The following TBCE variants were observed in gnomAD, a reference collection of about 807,000 sequenced individuals.
TBCE encodes the protein tubulin folding cofactor E.
TBCE carries 53 observed loss-of-function variants against 77.0 expected under a neutral mutation model. That is an observed-to-expected ratio of 0.69 (90% confidence interval 0.55 to 0.87). The LOEUF (loss-of-function observed/expected upper bound fraction) is 0.87. Ranked by LOEUF, TBCE falls within the 40% of genes least tolerant of loss-of-function variation. The probability of loss-of-function intolerance (pLI) is 0.00; values close to 1 mark genes in which losing one functional copy is unlikely to be tolerated. For synonymous variants in TBCE, 235 were observed against 241.3 expected (o/e 0.97, Z 0.24); for missense variants, 624 against 622.4 (o/e 1.00, Z -0.03).
At chr1:235,410,661 A>G (rs1679734366) in intron 3 of TBCE, among the ~76,000 whole-genome samples, 1 of 152,180 alleles carries the variant, frequency 6.6e-6, no homozygotes, top group Non-Finnish European at 1.5e-5. Flanking sequence ...CCCAGCTCCT[A>G]TTCAAGATGG....
In TBCE at chr1:235,452,333, T is replaced by C. The variant is rs1317502843; in HGVS notation, c.*3571T>C. The C allele has an allele frequency of 6.6e-6, 1 of 152,206 alleles. No individual in the cohort carries two copies. Among genetic ancestry groups the C allele is most frequent in the Non-Finnish European group, 1.5e-5 (1 of 68,042 alleles). The allele number at this position is 152,206 out of a possible 1,614,324, so 9.4% of individuals were successfully genotyped here. A position where few individuals can be genotyped will look rare whatever the true frequency, so the allele number is the denominator to read the frequency against. ...TCAAATCTATGGAAACTGAGTTTTTTTGTAGGCAGGGGAACGTTGATTTAT... is the reference window on the plus strand; with the variant it reads ...TCAAATCTATGGAAACTGAGTTTTTCTGTAGGCAGGGGAACGTTGATTTAT... On this transcript the variant is annotated 3_prime_UTR_variant, in exon 17 of 17. Coordinates refer to ENST00000642610, the MANE Select transcript of TBCE (RefSeq NM_003193.5).
At chr1:235,402,808 T>TA (rs377763779) in intron 3 of TBCE, among the ~76,000 whole-genome samples, 1 of 151,696 alleles carries the variant, frequency 6.6e-6, no homozygotes, top group East Asian at 1.9e-4. Flanking sequence ...AAAATAAAAA[T>TA]AAAAAAGAGA....
At chr1:235,386,284 T>C (rs1207851079) in intron 2 of TBCE, among the ~76,000 whole-genome samples, 1 of 152,180 alleles carries the variant, frequency 6.6e-6, no homozygotes, top group Non-Finnish European at 1.5e-5. Flanking sequence ...GTCTTGGAGT[T>C]GCTCTTCTCG....
chr1:235,423,566 G>C (rs1485567363), intron 5 of TBCE: 1 of 153,058 alleles, frequency 6.5e-6, no homozygotes, highest in Non-Finnish European at 1.5e-5. Flanking sequence ...GTGTTAGGCG[G>C]TGTCAGGAAG....
rs747389723 is a variant in TBCE at position 235,450,303 on chromosome 1, C to G, written c.*1541C>G. ...AGAATACTGAGGAGAAGACAGCATT[C>G]CTGTCTCACAGGTCTTCTCACACAG... On this transcript the variant is annotated 3_prime_UTR_variant, in exon 17 of 17. Coordinates refer to ENST00000642610, the MANE Select transcript of TBCE (RefSeq NM_003193.5). 2 of 1,613,574 alleles carry G rather than the reference C, an allele frequency of 1.2e-6. No homozygotes were observed. The highest frequency in any genetic ancestry group is 1.7e-5 in the Admixed American group (1 of 60,024).
rs963760924 is a variant in TBCE, at chr1:235,377,347, T to G, written c.-31-2672T>G. On this transcript the variant is annotated intron_variant, in intron 1 of 16. Coordinates refer to ENST00000642610, the MANE Select transcript of TBCE (RefSeq NM_003193.5). Reference sequence around the variant, plus strand: ...GGCGCGCACTACATGCCCAACTAATTTTTTTGTATTTTTAGTAGAGACAGG... The same window carrying G: ...GGCGCGCACTACATGCCCAACTAATGTTTTTGTATTTTTAGTAGAGACAGG... Among the ~76,000 whole-genome samples, 61 of 151,782 alleles carry G rather than the reference T, an allele frequency of 4.0e-4. 1 individual carries two copies. The highest frequency in any genetic ancestry group is 3.5e-3 in the Admixed American group (53 of 15,254).
At chr1:235,419,601 A>T in intron 5 of TBCE, 40 bp downstream of exon 5, 3 of 1,612,572 alleles carry the variant, frequency 1.9e-6, no homozygotes, top group Non-Finnish European at 2.5e-6. Flanking sequence ...GAATCTGACT[A>T]TGGATTTTAT....
chr1:235,427,293 G>T, intron 6 of TBCE, 54 bp downstream of exon 6: 1 of 1,328,876 alleles, frequency 7.5e-7, no homozygotes, highest in African/African-American at 1.4e-5. Context: ...ATCTCTCCTT[G>T]CTTCCTCACA....
rs386370043 is a variant in TBCE, at chr1:235,394,418, CT to C, written c.101-7060del. ...GACATTTGATAATTTTTGATAATTT[CT>C]TTTTTTTTTTTTTTTTTTTTTTTTG... On this transcript the variant is annotated intron_variant, in intron 2 of 16. Coordinates refer to ENST00000642610, the MANE Select transcript of TBCE (RefSeq NM_003193.5). Among the ~76,000 whole-genome samples the C allele has an allele frequency of 3.1e-3, 227 of 72,290 alleles. 1 individual carries two copies. The highest frequency in any genetic ancestry group is 8.7e-3 in the African/African-American group (159 of 18,250). 47.4% of individuals were successfully genotyped at this position (72,290 alleles called of 152,430 possible). A position where few individuals can be genotyped will look rare whatever the true frequency, so the allele number is the denominator to read the frequency against.
At chr1:235,419,683 T>G in intron 5 of TBCE, 122 bp downstream of exon 5, 1 of 1,386,932 alleles carries the variant, frequency 7.2e-7, no homozygotes, top group South Asian at 1.2e-5. Context: ...TGCAGTTCAG[T>G]TTTGCTTGGT....
chr1:235,431,281 A>G (rs1392751217), intron 7 of TBCE, among the ~76,000 whole-genome samples: 1 of 152,172 alleles, frequency 6.6e-6, no homozygotes, highest in Non-Finnish European at 1.5e-5. Context: ...TCCTTGGCAC[A>G]GCAGCATTTG....
intron 5 of TBCE, among the ~76,000 whole-genome samples, chr1:235,422,938 G>A (rs1201334165): frequency 6.6e-6 from 1 of 152,190 alleles, no homozygotes; most frequent in Admixed American, 6.5e-5. Context: ...TGTTTATACT[G>A]CACTTTTCTG....
chr1:235,389,262 A>C (rs935573309), intron 2 of TBCE, among the ~76,000 whole-genome samples: 1 of 152,194 alleles, frequency 6.6e-6, no homozygotes, highest in African/African-American at 2.4e-5. Flanking sequence ...TTATCAGGTA[A>C]GTGCTTCTTT....
intron 3 of TBCE, among the ~76,000 whole-genome samples, chr1:235,403,689 C>T (rs758344187): frequency 9.2e-5 from 14 of 152,160 alleles, no homozygotes; most frequent in Non-Finnish European, 1.6e-4. Context: ...CAGGGTTTGT[C>T]CTGAAATGCT....
intron 5 of TBCE, among the ~76,000 whole-genome samples, 178 bp from the exon 6 acceptor site, chr1:235,426,962 C>T (rs1421596847): frequency 4.6e-5 from 7 of 152,172 alleles, no homozygotes; most frequent in African/African-American, 1.7e-4. Context: ...TGAACTTTTT[C>T]GTTTCTCAGT....
chr1:235,381,112 C>T (rs916513766), intron 2 of TBCE, among the ~76,000 whole-genome samples: 1 of 152,056 alleles, frequency 6.6e-6, no homozygotes, highest in Admixed American at 6.6e-5. Flanking sequence ...TGGGCAACTG[C>T]TGGAACCAAG....
rs373754450 is a variant in TBCE, at chr1:235,414,603, T to C, written c.356T>C (p.Ile119Thr). Residue 119 changes from isoleucine to threonine, a missense_variant, in exon 4 of 17, where the codon ATT becomes ACT. Physicochemically the swap from Ile to Thr is moderately conservative, Grantham distance 89 (BLOSUM62 -1). Transcript: ENST00000642610. ...GTGGAGACTATCGGTTTTGACTCTA[T>C]TATGAAACAGCAAAGGTAAGTGGAG... is the stretch of plus-strand genomic sequence containing the variant. ...KPVETIGFDSIMKQQSQLSKL... is the reference protein window; with the variant it reads ...KPVETIGFDSTMKQQSQLSKL... 1 of 1,613,616 alleles carries C rather than the reference T, an allele frequency of 6.2e-7. No individual in the cohort carries two copies. The highest frequency in any genetic ancestry group is 1.3e-5 in the African/African-American group (1 of 74,938).
intron 1 of TBCE, among the ~76,000 whole-genome samples, chr1:235,378,708 A>G (rs10737818): frequency 0.73 from 111,663 of 151,990 alleles, 42,289 homozygotes; most frequent in African/African-American, 0.93. Flanking sequence ...TTAGCTGGGT[A>G]TGGTGGCGTG....
intron 2 of TBCE, among the ~76,000 whole-genome samples, chr1:235,395,546 TTC>T (rs759022507): frequency 2.8e-5 from 4 of 145,168 alleles, no homozygotes; most frequent in African/African-American, 1.1e-4. Flanking sequence ...CTTCTTCTTC[TTC>T]TTTTTTTTTT....
Sources: allele counts gnomAD v4.1 joint callset (sites outside exome capture counted in the v4.1 genomes callset), GRCh38; gene constraint gnomAD v4.1.1; transcripts MANE v1.5; gene names NCBI Gene and HGNC (gene_info 2026-07-23, HGNC 2026-07-21).